The following HEATR3 variants were observed in gnomAD, a reference collection of about 807,000 sequenced individuals.
HEATR3 encodes the protein HEAT repeat-containing protein 3.
Under a neutral mutation model 72.8 loss-of-function variants are expected in HEATR3, and 56 were observed. The observed-to-expected ratio is 0.77, with a 90% CI of 0.62 to 0.96. The LOEUF (loss-of-function observed/expected upper bound fraction) is 0.96. Ranked by LOEUF, HEATR3 falls within the 40% of genes least tolerant of loss-of-function variation. The pLI is 0.00. For synonymous variants in HEATR3, 331 were observed against 318.1 expected, an observed-to-expected ratio of 1.04 and a Z score of -0.43; for missense variants, 747 against 831.4, an observed-to-expected ratio of 0.90 and a Z score of 1.25.
chr16:50,086,092 CATAG>C, intron 10 of HEATR3, 119 bp from the exon 11 acceptor site: 1 of 872,358 alleles, frequency 1.1e-6, no homozygotes. Flanking sequence ...TGCTAACTGC[CATAG>C]ATACCTTGTA....
intron 11 of HEATR3, among the ~76,000 whole-genome samples, chr16:50,092,941 C>T (rs2037152566): frequency 6.6e-6 from 1 of 152,082 alleles, no homozygotes; most frequent in South Asian, 2.1e-4. Flanking sequence ...TACACTAGGC[C>T]AGTTAGTGTG....
chr16:50,079,862 C>T (rs8051216), intron 7 of HEATR3, among the ~76,000 whole-genome samples: 103,534 of 152,076 alleles, frequency 0.68, 35,541 homozygotes, highest in South Asian at 0.72. Flanking sequence ...CTAAGGCCTA[C>T]GCTGAGAACA....
chr16:50,102,603 A>G (rs958872725), intron 14 of HEATR3, among the ~76,000 whole-genome samples, 168 bp downstream of exon 14: 2 of 152,278 alleles, frequency 1.3e-5, no homozygotes, highest in East Asian at 3.9e-4. Flanking sequence ...TCATAGCTCA[A>G]CAGTGTGACT....
At chr16:50,085,523 A>G (rs1051285441) in intron 10 of HEATR3, among the ~76,000 whole-genome samples, 4 of 152,036 alleles carry the variant, frequency 2.6e-5, no homozygotes, top group Non-Finnish European at 1.5e-5. Context: ...AGTCCTAGCT[A>G]CTTAGGAGGC....
In HEATR3 at chr16:50,075,619, CT is replaced by C; in HGVS notation, c.674del (p.Phe225SerfsTer6). 1.2e-6 allele frequency: 2 copies of C among 1,613,252 alleles called. No individual in the cohort carries two copies. Among genetic ancestry groups the C allele is most frequent in the Non-Finnish European group, 1.7e-6 (2 of 1,179,192 alleles). ...GAGGATAACCCAGAGCTGCTGAAGT[CT>C]TTCAGTGCTACAGCATTGAACATGC... ...VTEDNPELLK[S>X]FSATALNMLE... On this transcript the variant is annotated frameshift_variant, in exon 6 of 15. Transcript: ENST00000299192. LOFTEE classifies it high-confidence loss of function.
At chr16:50,074,170 C>CTTA (rs2036672090) in intron 5 of HEATR3, 1 of 152,148 alleles carries the variant, frequency 6.6e-6, no homozygotes, top group Non-Finnish European at 1.5e-5. Context: ...TTACACATCT[C>CTTA]TTAATTTGCT....
intron 10 of HEATR3, 120 bp downstream of exon 10, chr16:50,084,771 T>C (rs529458579): frequency 1.5e-6 from 1 of 671,462 alleles, no homozygotes; most frequent in East Asian, 2.7e-5. Flanking sequence ...TGGGTATATA[T>C]ACCAGAAAAA....
intron 6 of HEATR3, 138 bp downstream of exon 6, chr16:50,075,849 G>T (rs1053091201): frequency 1.3e-5 from 9 of 677,876 alleles, no homozygotes; most frequent in African/African-American, 1.2e-4. Context: ...TAATATCTGA[G>T]AAGAGACCCT....
At chr16:50,079,403 G>A (rs1477229935) in intron 7 of HEATR3, among the ~76,000 whole-genome samples, 4 of 152,124 alleles carry the variant, frequency 2.6e-5, no homozygotes, top group Non-Finnish European at 5.9e-5. Flanking sequence ...TTGCATTCTT[G>A]CCTCTTATTT....
At chr16:50,084,398 G>C (rs148944062) in intron 9 of HEATR3, 107 bp downstream of exon 9, 59 of 1,373,052 alleles carry the variant, frequency 4.3e-5, no homozygotes, top group Non-Finnish European at 5.3e-5. Flanking sequence ...GTTGTAGATG[G>C]TGGTAAGATC....
chr16:50,095,545 A>G (rs913338740), intron 12 of HEATR3, among the ~76,000 whole-genome samples: 2 of 151,804 alleles, frequency 1.3e-5, no homozygotes, highest in Non-Finnish European at 2.9e-5. Flanking sequence ...GAGACTTTTA[A>G]ACATTCCTAA....
chr16:50,083,473 C>A (rs1597154486), intron 7 of HEATR3, among the ~76,000 whole-genome samples: 1 of 152,118 alleles, frequency 6.6e-6, no homozygotes, highest in Non-Finnish European at 1.5e-5. Context: ...CATAAGGGCT[C>A]GTTAGTAGTG....
At position 50,084,490 on chromosome 16, in the gene HEATR3, A is replaced by G. The variant is rs533067877; in HGVS notation, c.1291-79A>G. On this transcript the variant is annotated intron_variant, in intron 9 of 14. Transcript: ENST00000299192. ...AAGCCTAACCATTTCACTTAGGAGT[A>G]ATATGTTGGAATTATGTAAGGGAAT... 119 of 1,165,404 alleles carry G rather than the reference A, an allele frequency of 1.0e-4. 2 individuals are homozygous for G. The African/African-American group carries it at 1.1e-3, about 11-fold the overall frequency. The allele number at this position is 1,165,404 out of a possible 1,614,324, so 72.2% of individuals were successfully genotyped here.
intron 13 of HEATR3, among the ~76,000 whole-genome samples, chr16:50,101,993 A>G (rs1322253285): frequency 6.6e-6 from 1 of 152,198 alleles, no homozygotes; most frequent in Non-Finnish European, 1.5e-5. Context: ...TGAGAGAGGT[A>G]GAGGGGAAAA....
At chr16:50,100,516 A>G (rs137965899) in intron 13 of HEATR3, 143 bp downstream of exon 13, 22 of 749,444 alleles carry the variant, frequency 2.9e-5, no homozygotes, top group South Asian at 1.5e-4. Flanking sequence ...TTATTAGAAT[A>G]TACCCTTTGG....
chr16:50,102,841 C>A (rs1000167814), intron 14 of HEATR3, among the ~76,000 whole-genome samples: 4 of 152,130 alleles, frequency 2.6e-5, no homozygotes, highest in Admixed American at 6.5e-5. Context: ...TGGCTCACTG[C>A]GACCTCCCCT....
Position 50,100,156 on chromosome 16 carries a change from C to T in HEATR3, c.1600-74C>T. On this transcript the variant is annotated intron_variant, in intron 12 of 14. Coordinates refer to ENST00000299192, the MANE Select transcript of HEATR3 (RefSeq NM_182922.4). ...TGTAGCCTATAGAGGAGATTCCTGT[C>T]AGTCCGGTTTTCACATGCTGATAGA... The T allele has an allele frequency of 2.1e-6, 3 of 1,442,746 alleles. No individual in the cohort carries two copies. In the Middle Eastern group the frequency reaches 5.5e-4, roughly 262 times the overall value. 89.4% of individuals were successfully genotyped at this position (1,442,746 alleles called of 1,614,324 possible).
In HEATR3 at chr16:50,078,741, G is replaced by A. The variant is rs758915097; in HGVS notation, c.764G>A (p.Gly255Asp). ...ATCCTTATGCTTGTTTTTTTCCCAGGCACAATTTGGAATCTAAAGGACATT... is the reference window on the plus strand; with the variant it reads ...ATCCTTATGCTTGTTTTTTTCCCAGACACAATTTGGAATCTAAAGGACATT... ...ESLLLKTLVAGTIWNLKDIIP... is the reference protein window; with the variant it reads ...ESLLLKTLVADTIWNLKDIIP... The change falls in exon 7 of 15, where the codon GGC becomes GAC. Residue 255 changes from glycine (G) to aspartate (D), a missense_variant and splice_region_variant. Physicochemically the swap from Gly to Asp is moderately conservative, Grantham distance 94. This residue lies in a region of HEATR3 where 586 missense variants were observed against 708.8 expected (regional missense o/e 0.83). Coordinates refer to ENST00000299192, the MANE Select transcript of HEATR3 (RefSeq NM_182922.4). 2 of 1,599,780 alleles carry A rather than the reference G, an allele frequency of 1.3e-6. No individual in the cohort carries two copies. Among genetic ancestry groups the A allele is most frequent in the South Asian group, 2.3e-5 (2 of 88,304 alleles).
chr16:50,073,585 G>A (rs2036659262), intron 5 of HEATR3: 1 of 152,110 alleles, frequency 6.6e-6, no homozygotes, highest in Non-Finnish European at 1.5e-5. Context: ...TGGTGGGGCT[G>A]GAGAGTTGTG....
Sources: allele counts gnomAD v4.1 joint callset (sites outside exome capture counted in the v4.1 genomes callset), GRCh38; gene constraint gnomAD v4.1.1; regional missense constraint gnomAD v4.1.1; transcripts MANE v1.5; gene names NCBI Gene and HGNC (gene_info 2026-07-23, HGNC 2026-07-21).